TESMIN: variants seen among roughly 807,000 people sequenced by gnomAD.
TESMIN encodes CXC domain containing 2.
Under a neutral mutation model 47.4 loss-of-function variants are expected in TESMIN, and 34 were observed. The observed-to-expected ratio is 0.72, with a 90% confidence interval of 0.55 to 0.96. TESMIN has a LOEUF of 0.96. Ranked by LOEUF, TESMIN falls within the 40% of genes least tolerant of loss-of-function variation. TESMIN has a pLI of 0.00. For missense variants in TESMIN, 610 were observed against 637.2 expected, an observed-to-expected ratio of 0.96 and a Z score of 0.46; for synonymous variants, 278 against 258.9, an observed-to-expected ratio of 1.07 and a Z score of -0.71.
intron 7 of TESMIN, among the ~76,000 whole-genome samples, chr11:68,714,000 C>A (rs893989388): frequency 3.9e-5 from 6 of 152,186 alleles, no homozygotes; most frequent in Non-Finnish European, 5.9e-5. Flanking sequence ...CTGGGCCATG[C>A]CTTTCCCAAG....
rs772468880 is a variant in TESMIN at position 68,750,564 on chromosome 11, T to A, written c.97A>T (p.Ile33Phe). 155 of 1,608,212 alleles carry A rather than the reference T, an allele frequency of 9.6e-5. 1 individual carries two copies. In the East Asian group the frequency reaches 3.4e-3, roughly 36 times the overall value. Reference sequence around the variant, plus strand: ...TACTTCACGGGGGCCTTCAGGCCGATGTTCTCCGAAGCGAACGGACCCTCG... The same window carrying A: ...TACTTCACGGGGGCCTTCAGGCCGAAGTTCTCCGAAGCGAACGGACCCTCG... ...SPEGPFASEN[I>F]GLKAPVKYEE... The change falls in exon 2 of 10, where the codon ATC becomes TTC. Residue 33 changes from isoleucine (I) to phenylalanine (F), a missense_variant. By Grantham distance (21) the Ile-to-Phe change is conservative (BLOSUM62 0). Coordinates refer to ENST00000255087, the MANE Select transcript of TESMIN (RefSeq NM_004923.3).
chr11:68,737,032 A>T, intron 6 of TESMIN: 1 of 985,502 alleles, frequency 1.0e-6, no homozygotes, highest in Non-Finnish European at 1.2e-6. Context: ...AATACAGCAC[A>T]GAGGCAATAC....
intron 6 of TESMIN, among the ~76,000 whole-genome samples, chr11:68,721,871 T>A (rs1425707213): frequency 1.3e-5 from 2 of 152,210 alleles, no homozygotes; most frequent in African/African-American, 4.8e-5. Flanking sequence ...TAAGATGGTA[T>A]TGTATATTCC....
At position 68,744,913 on chromosome 11, in the gene TESMIN, CT is replaced by C. The variant is rs1594302753; in HGVS notation, c.751+77del. The C allele has an allele frequency of 2.4e-6, 3 of 1,274,948 alleles. No homozygotes were observed. In the East Asian group the frequency reaches 7.7e-5, roughly 33 times the overall value. The allele number at this position is 1,274,948 out of a possible 1,614,324, so 79.0% of individuals were successfully genotyped here. On this transcript the variant is annotated intron_variant, in intron 4 of 9. Transcript: ENST00000255087. ...ATTTAATATCCTGGTTGCCATTTCACTTTATATACAAAGCCAAACATATTCA... is the reference window on the plus strand; with the variant it reads ...ATTTAATATCCTGGTTGCCATTTCACTTATATACAAAGCCAAACATATTCA...
chr11:68,738,479 C>G, intron 6 of TESMIN: 1 of 1,347,126 alleles, frequency 7.4e-7, no homozygotes, highest in East Asian at 3.1e-5. Flanking sequence ...GGGACAGATG[C>G]AGGTTATGGG....
At chr11:68,715,716 A>C (rs1410154453) in intron 7 of TESMIN, 121 bp downstream of exon 7, 2 of 707,204 alleles carry the variant, frequency 2.8e-6, no homozygotes, top group East Asian at 5.5e-5. Flanking sequence ...AGTTGTATTC[A>C]ATGTAAATTC....
chr11:68,734,239 G>A (rs1946361719), intron 6 of TESMIN, among the ~76,000 whole-genome samples: 2 of 152,134 alleles, frequency 1.3e-5, no homozygotes, highest in African/African-American at 4.8e-5. Context: ...CTCATTTTAG[G>A]AAGGGATTAT....
chr11:68,747,094 G>T, intron 3 of TESMIN, 114 bp downstream of exon 3: 2 of 1,227,372 alleles, frequency 1.6e-6, no homozygotes, highest in Non-Finnish European at 1.2e-6. Context: ...CAAAAATCCT[G>T]ATACAATACA....
chr11:68,711,243 GT>G (rs1305175340), intron 8 of TESMIN, among the ~76,000 whole-genome samples, 194 bp from the exon 9 acceptor site: 1 of 151,182 alleles, frequency 6.6e-6, no homozygotes, highest in Non-Finnish European at 1.5e-5. Flanking sequence ...ATGAGTGTGT[GT>G]GGGGTGTGTG....
At chr11:68,712,024 C>G (rs970515296) in intron 8 of TESMIN, among the ~76,000 whole-genome samples, 5 of 152,266 alleles carry the variant, frequency 3.3e-5, no homozygotes, top group African/African-American at 1.2e-4. Flanking sequence ...AGAGATGCAT[C>G]TTCAGGGGGA....
chr11:68,747,413 G>C, intron 2 of TESMIN, 47 bp from the exon 3 acceptor site: 2 of 1,512,184 alleles, frequency 1.3e-6, no homozygotes, highest in Non-Finnish European at 1.8e-6. Context: ...GTGGACACTG[G>C]CTCTTGCAGT....
At chr11:68,710,174 T>C (rs1305695568) in intron 9 of TESMIN, among the ~76,000 whole-genome samples, 1 of 152,152 alleles carries the variant, frequency 6.6e-6, no homozygotes, top group East Asian at 1.9e-4. Flanking sequence ...AAAAGACCCC[T>C]GTAGGTCACA....
In TESMIN at chr11:68,708,408, G is replaced by C. The variant is rs1391399638; in HGVS notation, c.1427C>G (p.Ser476Cys). The change falls in exon 10 of 10, where the codon TCC becomes TGC. Residue 476 changes from serine to cysteine, a missense_variant. By Grantham distance (112) the Ser-to-Cys change is moderately radical. Transcript: ENST00000255087. Reference sequence around the variant, plus strand: ...GATCATCTGCTCTGCCAGGCACTTGGAGCAGTGTTCTTTCTCGGCCTCTTC... The same window carrying C: ...GATCATCTGCTCTGCCAGGCACTTGCAGCAGTGTTCTTTCTCGGCCTCTTC... ...QGEEAEKEHC[S>C]KCLAEQMILE... 2.5e-6 allele frequency: 4 copies of C among 1,614,164 alleles called. No individual in the cohort carries two copies. The highest frequency in any genetic ancestry group is 3.4e-6 in the Non-Finnish European group (4 of 1,180,020).
At chr11:68,747,851 G>A (rs989037291) in intron 2 of TESMIN, among the ~76,000 whole-genome samples, 1 of 152,052 alleles carries the variant, frequency 6.6e-6, no homozygotes, top group African/African-American at 2.4e-5. Context: ...CTGTCAACCC[G>A]ATGACAAAAT....
chr11:68,750,589 G>A lies in TESMIN; in HGVS notation c.72C>T (p.Pro24=), dbSNP rs1946582666. The A allele has an allele frequency of 1.2e-6, 2 of 1,605,148 alleles. No homozygotes were observed. Among genetic ancestry groups the A allele is most frequent in the African/African-American group, 1.3e-5 (1 of 74,354 alleles). ...TGTTCTCCGAAGCGAACGGACCCTCGGGGCTTAAGAGCTCCGTCACCATCG... is the reference window on the plus strand; with the variant it reads ...TGTTCTCCGAAGCGAACGGACCCTCAGGGCTTAAGAGCTCCGTCACCATCG... ...EDAMVTELLS[P]EGPFASENIG... is the part of the protein sequence containing the mutation. Residue 24 remains proline (P), a synonymous_variant, in exon 2 of 10, where the codon CCC becomes CCT. Transcript: ENST00000255087.
rs142217081 is a variant in TESMIN at position 68,714,398 on chromosome 11, C to T, written c.1021-991G>A. Among the ~76,000 whole-genome samples the T allele has an allele frequency of 1.5e-3, 236 of 152,318 alleles. 1 individual carries two copies. The highest frequency in any genetic ancestry group is 5.6e-3 in the African/African-American group (231 of 41,560). ...GTACCTGTGCACACCTGTGTACCTG[C>T]TACCAAGGTCAAGTTAGAGGACAGG... On this transcript the variant is annotated intron_variant, in intron 7 of 9. Coordinates refer to ENST00000255087, the MANE Select transcript of TESMIN (RefSeq NM_004923.3).
Position 68,713,328 on chromosome 11 carries a change from T to C in TESMIN, c.1100A>G (p.Asn367Ser), listed in dbSNP as rs771000665. 1.9e-6 allele frequency: 3 copies of C among 1,614,208 alleles called. No individual in the cohort carries two copies. The highest frequency in any genetic ancestry group is 1.1e-5 in the South Asian group (1 of 91,074). Residue 367 changes from asparagine (N) to serine (S), a missense_variant, in exon 8 of 10, where the codon AAC (asparagine) becomes AGC (serine). By Grantham distance (46) the Asn-to-Ser change is conservative (BLOSUM62 1). Transcript: ENST00000255087. The stretch of plus-strand genomic sequence containing the variant: ...TGACCTCCTGCAGTTGCACCCTTTG[T>C]TGTGCTGGGGCTTGACATTGCCCAA... ...GQLGNVKPQHNKGCNCRRSGC... is the reference protein window; with the variant it reads ...GQLGNVKPQHSKGCNCRRSGC...
At position 68,715,947 on chromosome 11, in the gene TESMIN, G is replaced by T; in HGVS notation, c.918-8C>A. Reference sequence around the variant, plus strand: ...GCAAAGCAGTCACAGTACCTGTGAAGGAAAGGACAGAGTGAGTGGCAGGCA... The same window carrying T: ...GCAAAGCAGTCACAGTACCTGTGAATGAAAGGACAGAGTGAGTGGCAGGCA... On this transcript the variant is annotated splice_region_variant and splice_polypyrimidine_tract_variant and intron_variant, in intron 6 of 9. Transcript: ENST00000255087. The T allele has an allele frequency of 6.4e-7, 1 of 1,570,504 alleles. No homozygotes were observed. The highest frequency in any genetic ancestry group is 8.8e-7 in the Non-Finnish European group (1 of 1,140,704).
chr11:68,706,133 G>A (rs888092242), downstream of TESMIN, among the ~76,000 whole-genome samples: 2 of 151,702 alleles, frequency 1.3e-5, no homozygotes, highest in Admixed American at 6.6e-5. Flanking sequence ...CTGGCTCTCC[G>A]CCAAACACAT....
Sources: allele counts gnomAD v4.1 joint callset (sites outside exome capture counted in the v4.1 genomes callset), GRCh38; gene constraint gnomAD v4.1.1; transcripts MANE v1.5; gene names NCBI Gene and HGNC (gene_info 2026-07-23, HGNC 2026-07-21).